Variants in NPAT observed in about 807,000 individuals in gnomAD.
NPAT encodes protein NPAT.
Under a neutral mutation model 130.7 loss-of-function variants are expected in NPAT, and 52 were observed. The observed-to-expected ratio is 0.40, with a 90% CI of 0.32 to 0.50. The LOEUF (loss-of-function observed/expected upper bound fraction) is 0.50. Among genes scored for constraint, NPAT ranks in the 20% least tolerant of loss-of-function variants. NPAT has a pLI of 0.68. For missense variants in NPAT, 1,687 were observed against 1,662.6 expected, an observed-to-expected ratio of 1.01 and a Z score of -0.26; for synonymous variants, 580 against 584.8, an observed-to-expected ratio of 0.99 and a Z score of 0.12.
chr11:108,172,056 A>C, intron 13 of NPAT, 143 bp downstream of exon 13: 1 of 724,164 alleles, frequency 1.4e-6, no homozygotes, highest in Middle Eastern at 3.5e-4. Flanking sequence ...GCTAGCATAA[A>C]GAAGCAGCGT....
chr11:108,169,709 C>T (rs1273129391), intron 15 of NPAT, 35 bp downstream of exon 15: 8 of 1,402,098 alleles, frequency 5.7e-6, no homozygotes, highest in Admixed American at 3.3e-5. Context: ...AACATACAAA[C>T]ATAAAGTTAA....
Position 108,161,905 on chromosome 11 carries a change from T to G in NPAT, c.3181A>C (p.Arg1061=), listed in dbSNP as rs996527884. The G allele has an allele frequency of 1.2e-6, 2 of 1,612,562 alleles. No individual in the cohort carries two copies. Among genetic ancestry groups the G allele is most frequent in the Admixed American group, 3.3e-5 (2 of 59,848 alleles). The change falls in exon 17 of 18, where the codon AGA becomes CGA. Residue 1061 remains arginine (R), a synonymous_variant. Coordinates refer to ENST00000278612, the MANE Select transcript of NPAT (RefSeq NM_002519.3). ...SIVPAAKPCH[R]RVLCFDSTTA... ...GTGCTGTCGAAACAGAGTACACGTC[T>G]GTGGCATGGTTTAGCAGCTGGAACT...
intron 1 of NPAT, among the ~76,000 whole-genome samples, chr11:108,209,242 T>A (rs528935395): frequency 5.3e-5 from 8 of 152,256 alleles, no homozygotes; most frequent in South Asian, 4.1e-4. Flanking sequence ...ACCATGCCAC[T>A]GCACTCCAGC....
At chr11:108,208,486 G>A (rs755651042) in intron 1 of NPAT, 1 of 455,640 alleles carries the variant, frequency 2.2e-6, no homozygotes, top group Non-Finnish European at 4.4e-6. Context: ...TGCTCTGGAG[G>A]TGGAGGTGGG....
chr11:108,205,981 G>A (rs1009200374), intron 1 of NPAT, among the ~76,000 whole-genome samples: 1 of 152,196 alleles, frequency 6.6e-6, no homozygotes, highest in African/African-American at 2.4e-5. Flanking sequence ...GGAGGCAGAG[G>A]CTGCAGTGAG....
At position 108,169,958 on chromosome 11, in the gene NPAT, A is replaced by G. The variant is rs1040559846; in HGVS notation, c.2871T>C (p.Asn957=). 1.2e-6 allele frequency: 2 copies of G among 1,613,946 alleles called. No individual in the cohort carries two copies. The highest frequency in any genetic ancestry group is 1.7e-6 in the Non-Finnish European group (2 of 1,179,834). The change falls in exon 14 of 18, where the codon AAT becomes AAC. Residue 957 remains asparagine, a synonymous_variant. Transcript: ENST00000278612. ...GMIPVSVVGQ[N]GNNFSTPPRQ... is the part of the protein sequence containing the mutation. ...GAGGAGGAGTAGAAAAGTTATTTCC[A>G]TTCTGTCCAACCACAGATACTGGGA...
At chr11:108,170,135 G>T in intron 13 of NPAT, 92 bp from the exon 14 acceptor site, 161 of 622,432 alleles carry the variant, frequency 2.6e-4, no homozygotes, top group East Asian at 5.9e-4. Context: ...TTACTGCTTT[G>T]AAATAAATTC....
chr11:108,214,377 T>C lies in NPAT; in HGVS notation c.37+8123A>G, dbSNP rs145154499. Among the ~76,000 whole-genome samples, 470 of 152,340 alleles carry C rather than the reference T, an allele frequency of 3.1e-3. 2 individuals are homozygous for C. The highest frequency in any genetic ancestry group is 9.8e-3 in the African/African-American group (408 of 41,576). On this transcript the variant is annotated intron_variant, in intron 1 of 17. Transcript: ENST00000278612. ...AAAGCGAAATATTCTATTTCATTTATGTGCAATGTCCAGGCAAGGCACATG... is the reference window on the plus strand; with the variant it reads ...AAAGCGAAATATTCTATTTCATTTACGTGCAATGTCCAGGCAAGGCACATG...
At chr11:108,219,623 C>A (rs1565332061) in intron 1 of NPAT, among the ~76,000 whole-genome samples, 2 of 152,036 alleles carry the variant, frequency 1.3e-5, no homozygotes, top group African/African-American at 4.8e-5. Flanking sequence ...AAACAAAAAA[C>A]CAAGTAAGTT....
chr11:108,170,970 G>A (rs2077944495), intron 13 of NPAT, among the ~76,000 whole-genome samples: 1 of 151,900 alleles, frequency 6.6e-6, no homozygotes, highest in Non-Finnish European at 1.5e-5. Flanking sequence ...GGAAGCTTGG[G>A]AACCAACACA....
chr11:108,200,410 C>A (rs1432384960), intron 1 of NPAT, among the ~76,000 whole-genome samples: 1 of 152,206 alleles, frequency 6.6e-6, no homozygotes, highest in African/African-American at 2.4e-5. Flanking sequence ...CCCAACTCCT[C>A]TGCTAGGCAG....
rs1253048558 is a variant in NPAT at position 108,164,505 on chromosome 11, T to TCCGGAAAGA, written c.3011-2334_3011-2326dup. ...TAGGCTGTTTAGTAAAGGAAGTGAA[T>TCCGGAAAGA]CCGGAAAGAAGACACAAGTTCAGGT... On this transcript the variant is annotated intron_variant, in intron 15 of 17. Coordinates refer to ENST00000278612, the MANE Select transcript of NPAT (RefSeq NM_002519.3). Among the ~76,000 whole-genome samples the TCCGGAAAGA allele has an allele frequency of 3.3e-5, 5 of 151,778 alleles. No individual in the cohort carries two copies. The East Asian group carries it at 9.7e-4, about 29-fold the overall frequency.
At chr11:108,181,276 C>T (rs1377310344) in intron 10 of NPAT, among the ~76,000 whole-genome samples, 1 of 152,086 alleles carries the variant, frequency 6.6e-6, no homozygotes, top group African/African-American at 2.4e-5. Flanking sequence ...CCAGCCTGGC[C>T]GACATGGCAA....
At chr11:108,199,093 G>A (rs760524790) in intron 1 of NPAT, among the ~76,000 whole-genome samples, 6 of 152,206 alleles carry the variant, frequency 3.9e-5, no homozygotes, top group Admixed American at 1.3e-4. Flanking sequence ...TGAAACATGC[G>A]CTCCCCTGCC....
chr11:108,161,859 G>C lies in NPAT; in HGVS notation c.3227C>G (p.Thr1076Arg), dbSNP rs574403547. Residue 1076 changes from threonine to arginine, a missense_variant, in exon 17 of 18, where the codon ACG becomes AGG. By Grantham distance (71) the Thr-to-Arg change is moderately conservative (BLOSUM62 -1). This residue lies in a region of NPAT where 1,379 missense variants were observed against 1,346.6 expected (regional missense o/e 1.02). Transcript: ENST00000278612. Reference sequence around the variant, plus strand: ...CACCATCTTATGGTTTGGCCCCTGCGTATTTGCCACAGGAGCAGTAGTGCT... The same window carrying C: ...CACCATCTTATGGTTTGGCCCCTGCCTATTTGCCACAGGAGCAGTAGTGCT... The part of the protein sequence containing the change: ...FDSTTAPVAN[T>R]QGPNHKMVSQ... The C allele has an allele frequency of 1.2e-6, 2 of 1,614,056 alleles. No homozygotes were observed. Among genetic ancestry groups the C allele is most frequent in the Non-Finnish European group, 8.5e-7 (1 of 1,180,018 alleles).
intron 1 of NPAT, among the ~76,000 whole-genome samples, chr11:108,214,847 G>A (rs2078418395): frequency 6.6e-6 from 1 of 152,096 alleles, no homozygotes; most frequent in African/African-American, 2.4e-5. Flanking sequence ...TGGCCAGGCT[G>A]GTCTGGAACT....
rs2077846533 is a variant in NPAT, at chr11:108,161,338, T to C, written c.3748A>G (p.Ile1250Val). 1.9e-6 allele frequency: 3 copies of C among 1,614,110 alleles called. No individual in the cohort carries two copies. The African/African-American group carries it at 4.0e-5, about 22-fold the overall frequency. ...SLITTEMLQD[I>V]QRHSSVSRLA... ...CTACTTACTGAGCTGTGCCTCTGTA[T>C]ATCCTGTAACATTTCTGTGGTAATC... is the stretch of plus-strand genomic sequence containing the variant. The change falls in exon 17 of 18, where the codon ATA becomes GTA. Residue 1250 changes from isoleucine to valine, a missense_variant. By Grantham distance (29) the Ile-to-Val change is conservative (BLOSUM62 3). This residue lies in a region of NPAT where 1,379 missense variants were observed against 1,346.6 expected (regional missense o/e 1.02). Transcript: ENST00000278612.
chr11:108,198,515 G>GA (rs2078245397), intron 1 of NPAT, among the ~76,000 whole-genome samples: 5 of 152,196 alleles, frequency 3.3e-5, no homozygotes, highest in Admixed American at 3.3e-4. Flanking sequence ...AAGCAGACGG[G>GA]TAGGGTACCC....
chr11:108,164,300 T>A (rs976292491), intron 15 of NPAT, among the ~76,000 whole-genome samples: 4 of 152,308 alleles, frequency 2.6e-5, no homozygotes, highest in Non-Finnish European at 5.9e-5. Flanking sequence ...ACATTTTTTT[T>A]AAGTGGTAGG....
Sources: allele counts gnomAD v4.1 joint callset (sites outside exome capture counted in the v4.1 genomes callset), GRCh38; gene constraint gnomAD v4.1.1; regional missense constraint gnomAD v4.1.1; transcripts MANE v1.5; gene names NCBI Gene and HGNC (gene_info 2026-07-23, HGNC 2026-07-21).